Variants in PDE10A observed in about 807,000 individuals in gnomAD.
PDE10A encodes the protein cAMP and cAMP-inhibited cGMP 3',5'-cyclic phosphodiesterase 10A.
PDE10A carries 39 observed loss-of-function variants against 97.7 expected under a neutral mutation model. The ratio of observed to expected loss-of-function variants is 0.40; its 90% confidence interval spans 0.31 to 0.52. The LOEUF (loss-of-function observed/expected upper bound fraction) is 0.52. PDE10A is among the 20% of genes least tolerant of loss of function. PDE10A has a pLI of 0.56. For missense variants in PDE10A, 731 were observed against 1,047.8 expected, an observed-to-expected ratio of 0.70 and a Z score of 4.17; for synonymous variants, 371 against 376.8, an observed-to-expected ratio of 0.98 and a Z score of 0.18.
At position 165,655,448 on chromosome 6, in the gene PDE10A, C is replaced by A. The variant is rs919081293; in HGVS notation, c.865+6499G>T. ...CCCACCATTTACCCAATCTTTCCAG[C>A]CAAAAACCCAGGCATGGATTCTTGA... On this transcript the variant is annotated intron_variant, in intron 1 of 21. Transcript: ENST00000539869. This position sits in a 1 kb window ranked among gnomAD's most constrained non-coding sequence, Gnocchi z 4.5. Among the ~76,000 whole-genome samples the A allele has an allele frequency of 2.0e-5, 3 of 152,190 alleles. No homozygotes were observed. Among genetic ancestry groups the A allele is most frequent in the Admixed American group, 2.0e-4 (3 of 15,294 alleles).
chr6:165,940,003 C>G (rs1783456998), intron 1 of PDE10A: 1 of 152,270 alleles, frequency 6.6e-6, no homozygotes, highest in African/African-American at 2.4e-5. Context: ...CAGAAGAGGT[C>G]ATAGGACACT....
chr6:165,628,560 G>A (rs73024109), intron 1 of PDE10A, among the ~76,000 whole-genome samples: 13 of 151,806 alleles, frequency 8.6e-5, no homozygotes, highest in East Asian at 1.9e-4. Context: ...ATAGGGTCTC[G>A]ATATCCAGGC....
chr6:165,637,354 C>T (rs1156486535), intron 1 of PDE10A, among the ~76,000 whole-genome samples: 3 of 152,142 alleles, frequency 2.0e-5, no homozygotes, highest in Non-Finnish European at 2.9e-5. Context: ...ATTCTGTCAC[C>T]GCACACATGT....
At chr6:165,725,939 T>G (rs546612399) in intron 1 of PDE10A, among the ~76,000 whole-genome samples, 5 of 152,220 alleles carry the variant, frequency 3.3e-5, no homozygotes, top group South Asian at 2.1e-4. Flanking sequence ...TGAAGGAGTC[T>G]GTCCACTTGG....
chr6:165,368,918 C>G (rs1296757863), intron 18 of PDE10A, among the ~76,000 whole-genome samples: 1 of 152,190 alleles, frequency 6.6e-6, no homozygotes, highest in East Asian at 1.9e-4. Flanking sequence ...ATTCGCGGTT[C>G]ACGAAAATCC....
chr6:165,652,022 TACC>T (rs1401252404), intron 1 of PDE10A, among the ~76,000 whole-genome samples: 3 of 152,236 alleles, frequency 2.0e-5, no homozygotes, highest in African/African-American at 7.2e-5. Flanking sequence ...CACATGCCAG[TACC>T]ACTTGTCTTC....
chr6:165,816,213 T>A (rs1466904721), intron 1 of PDE10A, among the ~76,000 whole-genome samples: 1 of 152,184 alleles, frequency 6.6e-6, no homozygotes, highest in Non-Finnish European at 1.5e-5. Context: ...CCTCCCAAAG[T>A]GCTGGGATTA....
intron 2 of PDE10A, among the ~76,000 whole-genome samples, chr6:165,516,073 T>C (rs1370940395): frequency 6.6e-6 from 1 of 152,210 alleles, no homozygotes; most frequent in Admixed American, 6.5e-5. Context: ...CATCCTGCCT[T>C]AGGCAACAGA....
intron 2 of PDE10A, among the ~76,000 whole-genome samples, chr6:165,499,366 C>T (rs1344160762): frequency 6.6e-6 from 1 of 152,124 alleles, no homozygotes; most frequent in Non-Finnish European, 1.5e-5. Context: ...ATTATCAATA[C>T]CACTCAAAGA....
At chr6:165,920,252 A>T (rs981830710) in intron 1 of PDE10A, among the ~76,000 whole-genome samples, 1 of 152,208 alleles carries the variant, frequency 6.6e-6, no homozygotes, top group Admixed American at 6.5e-5. Flanking sequence ...AATGCCATGT[A>T]GTAATGCCAT....
At chr6:165,961,145 G>A (rs1784348754) in intron 1 of PDE10A, among the ~76,000 whole-genome samples, 1 of 152,154 alleles carries the variant, frequency 6.6e-6, no homozygotes, top group Non-Finnish European at 1.5e-5. Context: ...GGACCTTGCT[G>A]TGGATGCAGT....
intron 18 of PDE10A, among the ~76,000 whole-genome samples, chr6:165,359,507 T>C (rs902345645): frequency 1.3e-5 from 2 of 152,196 alleles, no homozygotes; most frequent in South Asian, 2.1e-4. Flanking sequence ...TTTATTATTC[T>C]CAAATTTCTT....
chr6:165,380,681 A>G (rs896949722), intron 17 of PDE10A, among the ~76,000 whole-genome samples: 12 of 152,230 alleles, frequency 7.9e-5, no homozygotes, highest in African/African-American at 2.9e-4. Flanking sequence ...ATGCTATGAG[A>G]TGAGCCGTTT....
intron 1 of PDE10A, among the ~76,000 whole-genome samples, chr6:165,834,060 C>G (rs1038691973): frequency 2.6e-5 from 4 of 152,180 alleles, no homozygotes; most frequent in African/African-American, 9.7e-5. Flanking sequence ...AGTGCTTTGT[C>G]CCACTTGCGA....
At chr6:165,808,228 G>A (rs534234004) in intron 1 of PDE10A, among the ~76,000 whole-genome samples, 8 of 152,324 alleles carry the variant, frequency 5.3e-5, no homozygotes, top group South Asian at 2.1e-4. Flanking sequence ...AGTCCTGAGC[G>A]TGGACACAGC....
At chr6:165,366,001 G>A (rs1478069458) in intron 18 of PDE10A, among the ~76,000 whole-genome samples, 1 of 152,058 alleles carries the variant, frequency 6.6e-6, no homozygotes, top group Non-Finnish European at 1.5e-5. Context: ...TACAGTTCAG[G>A]AAATTAAGGA....
At chr6:165,792,078 T>C (rs1778671177) in intron 1 of PDE10A, among the ~76,000 whole-genome samples, 1 of 152,086 alleles carries the variant, frequency 6.6e-6, no homozygotes, top group African/African-American at 2.4e-5. Flanking sequence ...TGCCCGACGT[T>C]GTGGTTCTTC....
In PDE10A at chr6:165,751,708, A is replaced by C. The variant is rs1457234210; in HGVS notation, c.-614-208140T>G. ...GCTGCCCTGATTGCTCATCAGCATA[A>C]GACAGTCCCAGCAGCGCTATGACAA... On this transcript the variant is annotated intron_variant, in intron 1 of 19. Coordinates refer to the PDE10A transcript ENST00000366882. Among the ~76,000 whole-genome samples the C allele has an allele frequency of 3.9e-5, 6 of 152,180 alleles. No individual in the cohort carries two copies. In the East Asian group the frequency reaches 7.7e-4, roughly 20 times the overall value.
chr6:165,982,710 T>C (rs1471736285), intron 1 of PDE10A, among the ~76,000 whole-genome samples: 6 of 152,150 alleles, frequency 3.9e-5, no homozygotes, highest in Non-Finnish European at 5.9e-5. Flanking sequence ...TGAAAAAAAT[T>C]TTCAAGTACT....
Sources: gnomAD v4.1 joint callset for allele counts (sites outside exome capture counted in the v4.1 genomes callset) on GRCh38, gnomAD v4.1.1 for gene constraint, Gnocchi (gnomAD v3.1) non-coding constraint, MANE v1.5 for transcripts, NCBI Gene and HGNC (gene_info 2026-07-23, HGNC 2026-07-21) for gene names.